The following ASZ1 variants were observed in gnomAD, a reference collection of about 807,000 sequenced individuals.
ASZ1 encodes ankyrin repeat, SAM and basic leucine zipper domain-containing protein 1.
A neutral mutation model predicts 61.8 loss-of-function variants in ASZ1; 67 were observed. The ratio of observed to expected loss-of-function variants is 1.08; its 90% CI spans 0.89 to 1.33. The LOEUF (loss-of-function observed/expected upper bound fraction) is 1.33. Ranked by LOEUF, ASZ1 falls within the 40% of genes most tolerant of loss-of-function variation. ASZ1 has a pLI of 0.00. For missense variants in ASZ1, 577 were observed against 554.5 expected, an observed-to-expected ratio of 1.04 and a Z score of -0.41; for synonymous variants, 193 against 192.7, an observed-to-expected ratio of 1.00 and a Z score of -0.01.
At chr7:117,367,500 T>C in intron 11 of ASZ1, 35 bp from the exon 12 acceptor site, 1 of 1,382,302 alleles carries the variant, frequency 7.2e-7, no homozygotes, top group South Asian at 1.8e-5. Flanking sequence ...CATTAAATAA[T>C]GGAAATAACT....
At chr7:117,425,259 C>CTTT (rs71148368) in intron 2 of ASZ1, among the ~76,000 whole-genome samples, 3,844 of 93,564 alleles carry the variant, frequency 0.041, 125 homozygotes, top group Admixed American at 0.075. Context: ...TGAGTAATTT[C>CTTT]TTTTTTTTTT....
At chr7:117,402,000 G>T (rs1452967459) in intron 4 of ASZ1, among the ~76,000 whole-genome samples, 1 of 152,024 alleles carries the variant, frequency 6.6e-6, no homozygotes, top group Non-Finnish European at 1.5e-5. Flanking sequence ...AGTGATTTTT[G>T]GGGGCCAGGT....
At position 117,420,830 on chromosome 7, in the gene ASZ1, A is replaced by G. The variant is rs545802116; in HGVS notation, c.329-556T>C. Among the ~76,000 whole-genome samples the G allele has an allele frequency of 2.8e-3, 420 of 152,270 alleles. 1 individual carries two copies. Among genetic ancestry groups the G allele is most frequent in the Non-Finnish European group, 4.2e-3 (287 of 68,012 alleles). On this transcript the variant is annotated intron_variant, in intron 3 of 12. Transcript: ENST00000284629. Reference sequence around the variant, plus strand: ...CATGGTGCCAGCAAAGATCAGAGTAAATTAAACACAAAAAACACCTATTTT... The same window carrying G: ...CATGGTGCCAGCAAAGATCAGAGTAGATTAAACACAAAAAACACCTATTTT...
At chr7:117,373,082 A>T (rs1204735082) in intron 10 of ASZ1, among the ~76,000 whole-genome samples, 3 of 152,116 alleles carry the variant, frequency 2.0e-5, no homozygotes, top group Non-Finnish European at 4.4e-5. Flanking sequence ...CTTGATGGAC[A>T]TAGTTTTGAG....
chr7:117,417,529 A>G (rs1797019101), intron 4 of ASZ1, among the ~76,000 whole-genome samples: 2 of 152,154 alleles, frequency 1.3e-5, no homozygotes, highest in Non-Finnish European at 2.9e-5. Flanking sequence ...TAGCTATAAA[A>G]TTCTCTTCAA....
intron 4 of ASZ1, among the ~76,000 whole-genome samples, chr7:117,400,072 CAATGAT>C (rs1193560978): frequency 1.3e-5 from 2 of 152,216 alleles, no homozygotes; most frequent in East Asian, 3.9e-4. Context: ...TATATTTTCA[CAATGAT>C]GTATTTGTCA....
At chr7:117,384,067 G>C (rs918162779) in intron 6 of ASZ1, among the ~76,000 whole-genome samples, 3 of 152,036 alleles carry the variant, frequency 2.0e-5, no homozygotes, top group African/African-American at 7.2e-5. Context: ...GGAACTCAGT[G>C]TTACAAACTC....
chr7:117,396,804 C>CT (rs1796582849), intron 4 of ASZ1, among the ~76,000 whole-genome samples: 1 of 151,572 alleles, frequency 6.6e-6, no homozygotes, highest in Non-Finnish European at 1.5e-5. Context: ...AAATGAAAGG[C>CT]TTTTTTTTCC....
chr7:117,384,613 A>C (rs1000857705), intron 6 of ASZ1, 113 bp downstream of exon 6: 1 of 1,230,396 alleles, frequency 8.1e-7, no homozygotes, highest in Non-Finnish European at 1.1e-6. Context: ...ACATTTAATA[A>C]TTGCCAGATA....
intron 12 of ASZ1, among the ~76,000 whole-genome samples, chr7:117,365,924 A>G (rs1341887069): frequency 6.6e-6 from 1 of 152,356 alleles, no homozygotes; most frequent in East Asian, 1.9e-4. Context: ...CCCAGCTATT[A>G]TTTTGTATAA....
chr7:117,416,381 T>C (rs1266723145), intron 4 of ASZ1, among the ~76,000 whole-genome samples: 2 of 152,228 alleles, frequency 1.3e-5, no homozygotes, highest in East Asian at 3.8e-4. Flanking sequence ...AACAACTTTA[T>C]GGCTTTTTTG....
At chr7:117,376,365 A>C (rs547945307) in intron 10 of ASZ1, among the ~76,000 whole-genome samples, 1 of 152,294 alleles carries the variant, frequency 6.6e-6, no homozygotes, top group South Asian at 2.1e-4. Context: ...AAATCTACAG[A>C]ATGTTTAAAG....
chr7:117,420,110 C>G, intron 4 of ASZ1, 53 bp downstream of exon 4: 1 of 1,377,082 alleles, frequency 7.3e-7, no homozygotes, highest in Non-Finnish European at 1.0e-6. Flanking sequence ...AGGCTGATAC[C>G]AAAGAAAAAT....
chr7:117,408,768 C>T (rs1796839169), intron 4 of ASZ1, among the ~76,000 whole-genome samples: 1 of 151,944 alleles, frequency 6.6e-6, no homozygotes, highest in Non-Finnish European at 1.5e-5. Context: ...TACAATACTG[C>T]ATAATGTAGT....
intron 4 of ASZ1, among the ~76,000 whole-genome samples, chr7:117,409,386 A>C (rs939506517): frequency 6.6e-6 from 1 of 151,924 alleles, no homozygotes; most frequent in Admixed American, 6.6e-5. Context: ...AGCAAAAAAG[A>C]AATCTGCTTT....
At position 117,427,486 on chromosome 7, in the gene ASZ1, C is replaced by T; in HGVS notation, c.-26G>A. ...GCCAGCCAAGGAAGCTCCCTGTCGG[C>T]ACCGCGCGCCCTTCAGCTCTCCGGG... On this transcript the variant is annotated 5_prime_UTR_variant, in exon 1 of 13. Transcript: ENST00000284629. 2 of 1,611,368 alleles carry T rather than the reference C, an allele frequency of 1.2e-6. No homozygotes were observed. Among genetic ancestry groups the T allele is most frequent in the South Asian group, 2.2e-5 (2 of 90,966 alleles).
intron 2 of ASZ1, among the ~76,000 whole-genome samples, chr7:117,422,874 C>T (rs571325724): frequency 1.3e-5 from 2 of 152,164 alleles, no homozygotes; most frequent in South Asian, 2.1e-4. Context: ...CCTTAAGAAA[C>T]GCAGACTCTG....
chr7:117,408,740 A>G (rs930710042), intron 4 of ASZ1, among the ~76,000 whole-genome samples: 1 of 152,154 alleles, frequency 6.6e-6, no homozygotes. Context: ...TGAGCAAAAG[A>G]ATTCAGACAT....
chr7:117,408,660 T>C (rs1796837153), intron 4 of ASZ1, among the ~76,000 whole-genome samples: 1 of 152,094 alleles, frequency 6.6e-6, no homozygotes, highest in African/African-American at 2.4e-5. Flanking sequence ...TATCCAAACA[T>C]TAGAACATTT....
Sources: gnomAD v4.1 joint callset for allele counts (sites outside exome capture counted in the v4.1 genomes callset) on GRCh38, gnomAD v4.1.1 for gene constraint, MANE v1.5 for transcripts, NCBI Gene and HGNC (gene_info 2026-07-23, HGNC 2026-07-21) for gene names.